Variants in CAST observed in about 807,000 individuals in gnomAD.
CAST encodes the protein calpastatin, also known as MIR583 host.
A neutral mutation model predicts 119.6 loss-of-function variants in CAST; 76 were observed. The ratio of observed to expected loss-of-function variants is 0.64; its 90% CI spans 0.53 to 0.77. The LOEUF is 0.77. Ranked by LOEUF, CAST falls within the 30% of genes least tolerant of loss-of-function variation. The pLI is 0.00. For synonymous variants in CAST, 319 were observed against 331.6 expected, an observed-to-expected ratio of 0.96 and a Z score of 0.41; for missense variants, 953 against 946.5, an observed-to-expected ratio of 1.01 and a Z score of -0.09.
chr5:96,252,425 C>G, the CAST span, among the ~76,000 whole-genome samples: 2 of 152,090 alleles, frequency 1.3e-5, no homozygotes, highest in Non-Finnish European at 2.9e-5. Flanking sequence ...GAAGTTGTTT[C>G]TGCCCTCACA....
the CAST span, among the ~76,000 whole-genome samples, chr5:96,351,619 C>T: frequency 6.6e-6 from 1 of 152,082 alleles, no homozygotes; most frequent in Non-Finnish European, 1.5e-5. Flanking sequence ...TATATGTCTA[C>T]TGCACACCTG....
the CAST span, among the ~76,000 whole-genome samples, chr5:96,102,219 A>G: frequency 1.3e-5 from 2 of 152,068 alleles, no homozygotes; most frequent in Admixed American, 6.6e-5. Context: ...CACTTGGAGG[A>G]TGGTGGAGGC....
chr5:96,311,737 TTC>T, the CAST span, among the ~76,000 whole-genome samples: 2 of 151,964 alleles, frequency 1.3e-5, no homozygotes, highest in African/African-American at 4.8e-5. Context: ...AAAACAAAAA[TTC>T]TTTTTTTTTC....
At chr5:96,526,623 A>G (rs551764451), upstream of CAST, among the ~76,000 whole-genome samples, 25 of 152,320 alleles carry the variant, frequency 1.6e-4, no homozygotes, top group South Asian at 5.0e-3. Flanking sequence ...TGGGGGTAAC[A>G]TGTTCTGAAC....
chr5:96,009,961 AT>A, the CAST span, among the ~76,000 whole-genome samples: 1 of 152,004 alleles, frequency 6.6e-6, no homozygotes, highest in South Asian at 2.1e-4. Flanking sequence ...TCTTGAGCTG[AT>A]TTTTGTATAT....
At chr5:96,568,956 A>C (rs1016371987) in intron 1 of CAST, among the ~76,000 whole-genome samples, 7 of 152,164 alleles carry the variant, frequency 4.6e-5, no homozygotes, top group Admixed American at 3.9e-4. Context: ...AGAAAATAGA[A>C]GAGTGGGCTG....
the CAST span, among the ~76,000 whole-genome samples, chr5:96,012,403 T>C: frequency 2.6e-5 from 4 of 152,200 alleles, no homozygotes; most frequent in Admixed American, 2.6e-4. Context: ...CTGTTGTTGC[T>C]CAACTTAACT....
chr5:96,164,321 G>A, the CAST span, among the ~76,000 whole-genome samples: 51 of 152,230 alleles, frequency 3.4e-4, no homozygotes, highest in Non-Finnish European at 6.5e-4. Flanking sequence ...ACTTATAAAT[G>A]TAACACAAAG....
chr5:96,188,396 A>G, the CAST span, among the ~76,000 whole-genome samples: 1 of 152,052 alleles, frequency 6.6e-6, no homozygotes, highest in Non-Finnish European at 1.5e-5. Flanking sequence ...ATGAGTGATG[A>G]TTTTCTTCTC....
the CAST span, among the ~76,000 whole-genome samples, chr5:96,204,900 GATT>G: frequency 6.6e-6 from 1 of 152,034 alleles, no homozygotes; most frequent in Non-Finnish European, 1.5e-5. Flanking sequence ...ATATATTCTG[GATT>G]ATTTAGTCCT....
intron 1 of CAST, among the ~76,000 whole-genome samples, chr5:96,592,316 G>A (rs1339621556): frequency 6.6e-6 from 1 of 151,944 alleles, no homozygotes; most frequent in Non-Finnish European, 1.5e-5. Flanking sequence ...CAGGAGAATA[G>A]TTTGAGCCCG....
the CAST span, among the ~76,000 whole-genome samples, chr5:96,147,903 C>T: frequency 1.3e-5 from 2 of 152,192 alleles, no homozygotes; most frequent in African/African-American, 4.8e-5. Flanking sequence ...ATTTTTATCC[C>T]ATCCATCCAC....
At chr5:96,181,577 CCGAGG>C in the CAST span, among the ~76,000 whole-genome samples, 1 of 152,152 alleles carries the variant, frequency 6.6e-6, no homozygotes, top group East Asian at 1.9e-4. Flanking sequence ...AAGGAGACAA[CCGAGG>C]TGCAGATAAA....
intron 5 of CAST, among the ~76,000 whole-genome samples, chr5:96,727,085 C>T (rs1196751345): frequency 1.3e-5 from 2 of 152,208 alleles, no homozygotes; most frequent in Non-Finnish European, 2.9e-5. Flanking sequence ...ACACTGTCAG[C>T]CAAAACCCGT....
At chr5:96,684,914 T>G (rs1751894138) in intron 2 of CAST, among the ~76,000 whole-genome samples, 1 of 152,012 alleles carries the variant, frequency 6.6e-6, no homozygotes, top group Non-Finnish European at 1.5e-5. Flanking sequence ...AAGCTAAGGA[T>G]GTACTTTTTA....
chr5:96,419,326 TAA>T, the CAST span, among the ~76,000 whole-genome samples: 2,998 of 147,044 alleles, frequency 0.02, 110 homozygotes, highest in African/African-American at 0.07. Context: ...TATATATATA[TAA>T]AACCTCACTT....
chr5:96,180,386 A>G, the CAST span, among the ~76,000 whole-genome samples: 1 of 152,188 alleles, frequency 6.6e-6, no homozygotes, highest in South Asian at 2.1e-4. Context: ...TGTGAGATAA[A>G]TGTCTTCTTA....
chr5:96,007,485 C>A, the CAST span, among the ~76,000 whole-genome samples: 454 of 152,224 alleles, frequency 3.0e-3, 2 homozygotes, highest in African/African-American at 0.011. Context: ...CCTAACATTG[C>A]TATATTGAAA....
At chr5:96,442,353 CAAT>C in the CAST span, among the ~76,000 whole-genome samples, 21 of 152,266 alleles carry the variant, frequency 1.4e-4, no homozygotes, top group African/African-American at 5.1e-4. Context: ...AGTAAGTACT[CAAT>C]AAAATCTAGC....
Sources: allele counts gnomAD v4.1 joint callset (sites outside exome capture counted in the v4.1 genomes callset), GRCh38; gene constraint gnomAD v4.1.1; transcripts MANE v1.5; gene names NCBI Gene and HGNC (gene_info 2026-07-23, HGNC 2026-07-21).